The following BCAN variants were observed in gnomAD, a reference collection of about 807,000 sequenced individuals.
The protein encoded by BCAN is brevican core protein.
A neutral mutation model predicts 92.4 loss-of-function variants in BCAN; 51 were observed. That is an observed-to-expected ratio of 0.55 (90% CI 0.44 to 0.70). The LOEUF is 0.70. Ranked by LOEUF, BCAN falls within the 30% of genes least tolerant of loss-of-function variation. The probability of loss-of-function intolerance (pLI) is 0.00; values close to 1 mark genes in which losing one functional copy is unlikely to be tolerated. For synonymous variants in BCAN, 501 were observed against 505.2 expected, an observed-to-expected ratio of 0.99 and a Z score of 0.11; for missense variants, 1,140 against 1,212.1, an observed-to-expected ratio of 0.94 and a Z score of 0.88.
intron 1 of BCAN, among the ~76,000 whole-genome samples, chr1:156,645,073 T>C (rs1368323823): frequency 6.6e-6 from 1 of 152,218 alleles, no homozygotes; most frequent in East Asian, 1.9e-4. Flanking sequence ...ACATCCTTTT[T>C]ATGAGAGTGT....
At chr1:156,645,817 G>C (rs1678943867) in intron 1 of BCAN, among the ~76,000 whole-genome samples, 1 of 152,188 alleles carries the variant, frequency 6.6e-6, no homozygotes, top group Non-Finnish European at 1.5e-5. Context: ...GAGAAGGTAA[G>C]GAGCTTGGCT....
intron 2 of BCAN, chr1:156,646,484 C>T (rs975098671): frequency 2.0e-6 from 1 of 492,072 alleles, no homozygotes; most frequent in Non-Finnish European, 3.5e-6. Flanking sequence ...ACTCAGGGGG[C>T]GAGGTTGGAG....
chr1:156,657,226 T>C, intron 10 of BCAN, 130 bp downstream of exon 10: 1 of 1,160,936 alleles, frequency 8.6e-7, no homozygotes, highest in South Asian at 1.5e-5. Flanking sequence ...CCCTCACTCA[T>C]TCGTTCACTC....
chr1:156,647,344 AG>A lies in BCAN; in HGVS notation c.467-162del. 9.0e-7 allele frequency: 1 copy of A among 1,114,014 alleles called. No individual in the cohort carries two copies. The highest frequency in any genetic ancestry group is 1.3e-6 in the Non-Finnish European group (1 of 797,570). 69.0% of individuals were successfully genotyped at this position (1,114,014 alleles called of 1,614,324 possible). ...CCTTTGTTGTCTCCTTTCTCTCTTC[AG>A]GTGGAGGACATTCTACCCACAATCT... On this transcript the variant is annotated intron_variant, in intron 3 of 13. Coordinates refer to ENST00000329117, the MANE Select transcript of BCAN (RefSeq NM_021948.5). This position sits in a 1 kb window ranked among gnomAD's most constrained non-coding sequence, Gnocchi z 4.8.
In BCAN at chr1:156,646,846, A is replaced by G. The variant is rs757718531; in HGVS notation, c.137A>G (p.Gln46Arg). ...RVRIAGDAPL[Q>R]GVLGGALTIP... is the part of the protein sequence containing the mutation. ...CGCATCGCGGGCGACGCGCCACTGC[A>G]GGGCGTGCTCGGCGGCGCCCTCACC... The change falls in exon 3 of 14, where the codon CAG (glutamine) becomes CGG (arginine). Residue 46 changes from glutamine (Q) to arginine (R), a missense_variant. Transcript: ENST00000329117. 3 of 1,602,782 alleles carry G rather than the reference A, an allele frequency of 1.9e-6. No homozygotes were observed. The Admixed American group carries it at 5.1e-5, about 27-fold the overall frequency.
chr1:156,651,760 T>A, intron 7 of BCAN, 71 bp downstream of exon 7: 3 of 1,366,536 alleles, frequency 2.2e-6, no homozygotes, highest in Non-Finnish European at 3.0e-6. Context: ...CAAGCCCAGG[T>A]TGATGCTAGG....
intron 1 of BCAN, chr1:156,644,295 CAGAG>C (rs1277372248): frequency 6.6e-6 from 1 of 152,232 alleles, no homozygotes; most frequent in Non-Finnish European, 1.5e-5. Flanking sequence ...GGCTGCCCGT[CAGAG>C]AGATGGGAGC....
intron 5 of BCAN, 66 bp downstream of exon 5, chr1:156,648,176 G>A (rs2277873): frequency 0.35 from 561,845 of 1,582,900 alleles, 102,222 homozygotes; most frequent in South Asian, 0.5. Flanking sequence ...AGGTCCTCCC[G>A]GGGCCTCTGC....
chr1:156,647,859 T>C lies in BCAN; in HGVS notation c.642-124T>C. The C allele has an allele frequency of 6.4e-7, 1 of 1,550,830 alleles. No individual in the cohort carries two copies. The highest frequency in any genetic ancestry group is 8.9e-7 in the Non-Finnish European group (1 of 1,124,120). ...CTGAGCATGTGCATCCCTGCAGTGC[T>C]AGAAGGACAGCCAGCTGTCAGCAAG... is the stretch of plus-strand genomic sequence containing the variant. On this transcript the variant is annotated intron_variant, in intron 4 of 13. Coordinates refer to ENST00000329117, the MANE Select transcript of BCAN (RefSeq NM_021948.5). This position sits in a 1 kb window ranked among gnomAD's most constrained non-coding sequence, Gnocchi z 4.8.
chr1:156,657,342 C>G (rs1234269250), intron 10 of BCAN: 2 of 610,024 alleles, frequency 3.3e-6, no homozygotes, highest in Admixed American at 3.3e-5. Flanking sequence ...GCCGGGCCGC[C>G]GTGCAGGGGG....
intron 6 of BCAN, 81 bp from the exon 7 acceptor site, chr1:156,651,375 A>G: frequency 7.9e-7 from 1 of 1,269,850 alleles, no homozygotes; most frequent in Non-Finnish European, 1.1e-6. Flanking sequence ...GAGAATTGAG[A>G]GAATTCCATG....
chr1:156,652,721 G>T lies in BCAN; in HGVS notation c.1771G>T (p.Ala591Ser). 1.2e-6 allele frequency: 2 copies of T among 1,604,182 alleles called. No homozygotes were observed. The highest frequency in any genetic ancestry group is 1.1e-5 in the South Asian group (1 of 90,238). ...ESEETGSSEG[A>S]PSLLPATRAP... ...CGAGGAGACAGGAAGCTCCGAGGGT[G>T]CCCCTTCCCTGCTTCCAGCCACACG... The change falls in exon 8 of 14, where the codon GCC (alanine) becomes TCC (serine). Residue 591 changes from alanine to serine, a missense_variant. Ala to Ser is a moderately conservative substitution (Grantham distance 99). This residue lies in a region of BCAN where 825 missense variants were observed against 871.8 expected (regional missense o/e 0.95). Transcript: ENST00000329117.
intron 9 of BCAN, 31 bp from the exon 10 acceptor site, chr1:156,656,907 G>T (rs771213039): frequency 6.2e-7 from 1 of 1,604,944 alleles, no homozygotes; most frequent in South Asian, 1.1e-5. Flanking sequence ...GGGTTTTGGG[G>T]CCCTAAGATG....
At chr1:156,657,237 C>G in intron 10 of BCAN, 141 bp downstream of exon 10, 1 of 1,101,652 alleles carries the variant, frequency 9.1e-7, no homozygotes, top group Non-Finnish European at 1.3e-6. Flanking sequence ...TCGTTCACTC[C>G]CCTTCTCATT....
chr1:156,647,508 G>C lies in BCAN; in HGVS notation c.467G>C (p.Gly156Ala). Residue 156 changes from glycine (G) to alanine (A), a missense_variant and splice_region_variant, in exon 4 of 14, where the codon GGG becomes GCG. Gly to Ala is a moderately conservative substitution (Grantham distance 60). This residue lies in a region of BCAN where 286 missense variants were observed against 284.1 expected (regional missense o/e 1.01). Transcript: ENST00000329117. This position sits in a 1 kb window ranked among gnomAD's most constrained non-coding sequence, Gnocchi z 4.8. ...CTCAGGGGTCCTCTCTGCCCCACAG[G>C]GGTCGTCTTTCTCTACCGAGAGGGC... ...SSDAVEVKVK[G>A]VVFLYREGSA... is the part of the protein sequence containing the mutation. The C allele has an allele frequency of 6.4e-7, 1 of 1,557,294 alleles. No homozygotes were observed. The highest frequency in any genetic ancestry group is 1.2e-5 in the South Asian group (1 of 81,654).
In BCAN at chr1:156,657,112, G is replaced by A. The variant is rs1054430383; in HGVS notation, c.2209+16G>A. 1 of 1,605,008 alleles carries A rather than the reference G, an allele frequency of 6.2e-7. No individual in the cohort carries two copies. The highest frequency in any genetic ancestry group is 8.5e-7 in the Non-Finnish European group (1 of 1,173,476). On this transcript the variant is annotated intron_variant, in intron 10 of 13. Transcript: ENST00000329117. The stretch of plus-strand genomic sequence containing the variant: ...TTCATCAACAGTGGGCTGGGAGACA[G>A]GGCGGGAGGGGCCCCTGCCATATGC...
rs1055141471 is a variant in BCAN, at chr1:156,658,858, C to T, written c.2628+125C>T. On this transcript the variant is annotated intron_variant, in intron 13 of 13. Coordinates refer to ENST00000329117, the MANE Select transcript of BCAN (RefSeq NM_021948.5). The surrounding 1 kb of genome is among the most constrained non-coding windows in gnomAD (Gnocchi z 4.4). ...GAGCCATCACTGCCCCTCTCTGAGG[C>T]AAAGGGGAAGAGGTGGGCTGGAGGC... 1 of 1,438,034 alleles carries T rather than the reference C, an allele frequency of 7.0e-7. No individual in the cohort carries two copies. The allele number at this position is 1,438,034 out of a possible 1,614,324, so 89.1% of individuals were successfully genotyped here. A position where few individuals can be genotyped will look rare whatever the true frequency, so the allele number is the denominator to read the frequency against.
rs144692174 is a variant in BCAN, at chr1:156,658,620, G to C, written c.2515G>C (p.Val839Leu). 199 of 1,614,030 alleles carry C rather than the reference G, an allele frequency of 1.2e-4. No individual in the cohort carries two copies. Among genetic ancestry groups the C allele is most frequent in the Non-Finnish European group, 1.6e-4 (190 of 1,180,060 alleles). ...RPRLRYEVDTVLRYRCREGLA... is the reference protein window; with the variant it reads ...RPRLRYEVDTLLRYRCREGLA... The stretch of plus-strand genomic sequence containing the variant: ...ACGGCTGCGCTATGAGGTGGACACT[G>C]TGCTTCGCTACCGGTGCCGGGAAGG... The change falls in exon 13 of 14, where the codon GTG becomes CTG. Residue 839 changes from valine to leucine, a missense_variant. This residue lies in a region of BCAN where 825 missense variants were observed against 871.8 expected (regional missense o/e 0.95). Coordinates refer to ENST00000329117, the MANE Select transcript of BCAN (RefSeq NM_021948.5). The surrounding 1 kb of genome is among the most constrained non-coding windows in gnomAD (Gnocchi z 4.4).
At chr1:156,655,859 G>C (rs1172585766) in intron 8 of BCAN, among the ~76,000 whole-genome samples, 1 of 152,346 alleles carries the variant, frequency 6.6e-6, no homozygotes, top group African/African-American at 2.4e-5. Flanking sequence ...AGACAAGGGG[G>C]TGTGGCACTA....
Sources: gnomAD v4.1 joint callset for allele counts (sites outside exome capture counted in the v4.1 genomes callset) on GRCh38, gnomAD v4.1.1 for gene constraint, gnomAD v4.1.1 regional missense constraint, Gnocchi (gnomAD v3.1) non-coding constraint, MANE v1.5 for transcripts, NCBI Gene and HGNC (gene_info 2026-07-23, HGNC 2026-07-21) for gene names.